Variants in WNK2 observed in about 807,000 individuals in gnomAD.
The protein encoded by WNK2 is serine/threonine-protein kinase WNK2.
A neutral mutation model predicts 192.1 loss-of-function variants in WNK2; 67 were observed. The ratio of observed to expected loss-of-function variants is 0.35; its 90% CI spans 0.29 to 0.43. The LOEUF is 0.43. WNK2 is among the 20% of genes least tolerant of loss of function. The pLI is 1.00. For synonymous variants in WNK2, 1,439 were observed against 1,393.9 expected, an observed-to-expected ratio of 1.03 and a Z score of -0.72; for missense variants, 2,698 against 3,089.7, an observed-to-expected ratio of 0.87 and a Z score of 3.01.
intron 2 of WNK2, among the ~76,000 whole-genome samples, chr9:93,199,620 CG>C (rs945146685): frequency 1.3e-5 from 2 of 151,950 alleles, no homozygotes; most frequent in Non-Finnish European, 2.9e-5. Context: ...AGCTGTGGGC[CG>C]GGTGCGGTGG....
chr9:93,239,987 C>G lies in WNK2; in HGVS notation c.1542+11C>G, dbSNP rs754024424. On this transcript the variant is annotated intron_variant, in intron 7 of 29. Transcript: ENST00000427277. This position sits in a 1 kb window ranked among gnomAD's most constrained non-coding sequence, Gnocchi z 4.2. ...GTGGCCCAAGAGATGGTAAGCAGGA[C>G]TCAGATGGGGTGAGGTGGGTGCAGG... 171 of 1,606,124 alleles carry G rather than the reference C, an allele frequency of 1.1e-4. No homozygotes were observed. Among genetic ancestry groups the G allele is most frequent in the Middle Eastern group, 6.6e-4 (4 of 6,062 alleles).
chr9:93,269,858 G>T (rs966612985), intron 19 of WNK2, among the ~76,000 whole-genome samples: 1 of 152,150 alleles, frequency 6.6e-6, no homozygotes, highest in African/African-American at 2.4e-5. Flanking sequence ...GGAAAAATTG[G>T]TGGCAGATCT....
intron 2 of WNK2, among the ~76,000 whole-genome samples, chr9:93,202,300 G>A (rs1358423889): frequency 6.6e-6 from 1 of 151,812 alleles, no homozygotes; most frequent in South Asian, 2.1e-4. Context: ...ATGCTTCTCA[G>A]GGCCTCTGCT....
chr9:93,259,304 T>A lies in WNK2; in HGVS notation c.2756T>A (p.Met919Lys). Residue 919 changes from methionine to lysine, a missense_variant, in exon 12 of 30, where the codon ATG becomes AAG. Physicochemically the swap from Met to Lys is moderately conservative, Grantham distance 95 (BLOSUM62 -1). This residue lies in a region of WNK2 where 893 missense variants were observed against 909.0 expected (regional missense o/e 0.98). Transcript: ENST00000427277. The surrounding 1 kb of genome is among the most constrained non-coding windows in gnomAD (Gnocchi z 4.8). ...GTGTACCCAGCGGCCTTCCCACAGA[T>A]GGCGCCTACTGACGTCCCTCCTTCC... ...QPVYPAAFPQ[M>K]APTDVPPSPH... The A allele has an allele frequency of 6.2e-7, 1 of 1,613,602 alleles. No homozygotes were observed. Among genetic ancestry groups the A allele is most frequent in the Non-Finnish European group, 8.5e-7 (1 of 1,179,766 alleles).
At chr9:93,209,617 T>C (rs958417247) in intron 2 of WNK2, among the ~76,000 whole-genome samples, 2 of 152,040 alleles carry the variant, frequency 1.3e-5, no homozygotes, top group African/African-American at 2.4e-5. Flanking sequence ...CAGCTTAAAG[T>C]AGAAGGGGCA....
chr9:93,286,572 A>G (rs1848476044), intron 19 of WNK2, among the ~76,000 whole-genome samples: 1 of 152,224 alleles, frequency 6.6e-6, no homozygotes, highest in African/African-American at 2.4e-5. Context: ...GTGAGTGTAA[A>G]TTACTACAAC....
intron 9 of WNK2, among the ~76,000 whole-genome samples, chr9:93,253,368 A>G (rs1842857904): frequency 6.6e-6 from 1 of 151,558 alleles, no homozygotes; most frequent in African/African-American, 2.4e-5. Context: ...ATTGGAAAAC[A>G]GACCCCAGGG....
intron 8 of WNK2, 100 bp from the exon 9 acceptor site, chr9:93,252,783 C>T: frequency 8.8e-7 from 1 of 1,132,724 alleles, no homozygotes; most frequent in Non-Finnish European, 1.2e-6. Flanking sequence ...TCTGGAGAAA[C>T]AAGCCTTTAT....
Position 93,289,049 on chromosome 9 carries a change from C to A in WNK2, c.4295C>A (p.Thr1432Lys), listed in dbSNP as rs373618412. The A allele has an allele frequency of 1.2e-6, 2 of 1,605,152 alleles. No individual in the cohort carries two copies. The highest frequency in any genetic ancestry group is 1.7e-6 in the Non-Finnish European group (2 of 1,176,294). The change falls in exon 20 of 30, where the codon ACG (threonine) becomes AAG (lysine). Residue 1432 changes from threonine (T) to lysine (K), a missense_variant. Around this residue, in one of 7 missense-constraint regions of WNK2, gnomAD observed 1,098 missense variants for 1,101.0 expected, o/e 1.00. Transcript: ENST00000427277. ...TPQGLTSELE[T>K]SQPLAETHEA... ...CAGGGGCTGACCAGTGAGCTCGAGA[C>A]GTCTCAGCCACTAGCGGAGACTCAC...
chr9:93,289,684 C>T, intron 20 of WNK2, 64 bp downstream of exon 20: 1 of 1,402,196 alleles, frequency 7.1e-7, no homozygotes. Context: ...GGGCGCAGGC[C>T]CGGGGGTGGG....
rs113887261 is a variant in WNK2 at position 93,256,217 on chromosome 9, C to T, written c.2035-82C>T. ...TGGTAGGGACCAGGCACAGGGATGA[C>T]ATGAGGCTACCCTGCCCCTGCCCAG... On this transcript the variant is annotated intron_variant, in intron 9 of 29. Coordinates refer to ENST00000427277, the MANE Select transcript of WNK2 (RefSeq NM_006648.4). The T allele has an allele frequency of 2.8e-4, 385 of 1,384,772 alleles. 1 individual carries two copies. The African/African-American group carries it at 4.7e-3, about 17-fold the overall frequency. The allele number at this position is 1,384,772 out of a possible 1,614,324, so 85.8% of individuals were successfully genotyped here.
At chr9:93,310,947 G>C (rs920365169) in intron 28 of WNK2, among the ~76,000 whole-genome samples, 3 of 152,184 alleles carry the variant, frequency 2.0e-5, no homozygotes, top group Non-Finnish European at 2.9e-5. Flanking sequence ...CTGGGTGACA[G>C]AGAAAGATCC....
intron 23 of WNK2, among the ~76,000 whole-genome samples, chr9:93,296,240 C>T (rs1850365907): frequency 4.8e-5 from 2 of 41,384 alleles, no homozygotes; most frequent in East Asian, 8.1e-4. Flanking sequence ...CCTCCCCTCA[C>T]CTTCCTCCCC....
At chr9:93,241,064 G>C (rs1588124514) in intron 7 of WNK2, among the ~76,000 whole-genome samples, 2 of 152,242 alleles carry the variant, frequency 1.3e-5, no homozygotes, top group South Asian at 4.1e-4. Flanking sequence ...ATTGGGCAGT[G>C]GACGCCAGAG....
Position 93,268,697 on chromosome 9 carries a change from A to G in WNK2, c.3984A>G (p.Glu1328=), listed in dbSNP as rs1434836980. Residue 1328 remains glutamate, a synonymous_variant, in exon 19 of 30, where the codon GAA becomes GAG. Transcript: ENST00000427277. The part of the protein sequence containing the change: ...VAEHPAPEAP[E]SSPPLPLSSL... ...AGCACCCCGCCCCCGAGGCCCCTGA[A>G]TCTTCGCCCCCACTTCCTCTAAGCT... 3.1e-6 allele frequency: 5 copies of G among 1,613,242 alleles called. No individual in the cohort carries two copies. The highest frequency in any genetic ancestry group is 4.5e-5 in the East Asian group (2 of 44,848).
At position 93,185,269 on chromosome 9, in the gene WNK2, G is replaced by T; in HGVS notation, c.340G>T (p.Ala114Ser). Residue 114 changes from alanine (A) to serine (S), a missense_variant, in exon 2 of 30, where the codon GCC becomes TCC. Physicochemically the swap from Ala to Ser is moderately conservative, Grantham distance 99. Coordinates refer to ENST00000427277, the MANE Select transcript of WNK2 (RefSeq NM_006648.4). The part of the protein sequence containing the change: ...QPGAPGAPAD[A>S]GPEPVGTQEP... ...GGGAGCCCCCGGAGCCCCCGCGGAC[G>T]CCGGCCCCGAGCCCGTGGGCACGCA... is the stretch of plus-strand genomic sequence containing the variant. 7.6e-7 allele frequency: 1 copy of T among 1,313,486 alleles called. No homozygotes were observed. Among genetic ancestry groups the T allele is most frequent in the Non-Finnish European group, 9.6e-7 (1 of 1,037,388 alleles). 81.4% of individuals were successfully genotyped at this position (1,313,486 alleles called of 1,614,324 possible). A position where few individuals can be genotyped will look rare whatever the true frequency, so the allele number is the denominator to read the frequency against.
In WNK2 at chr9:93,247,228, C is replaced by T. The variant is rs1245084192; in HGVS notation, c.1543-315C>T. On this transcript the variant is annotated intron_variant, in intron 7 of 29. Transcript: ENST00000427277. The surrounding 1 kb of genome is among the most constrained non-coding windows in gnomAD (Gnocchi z 5.2). ...GAGACAATCAGGAGCCCCTTCCCGT[C>T]TGCCACCAGCCCCGGGGGCGCTGGG... is the stretch of plus-strand genomic sequence containing the variant. Among the ~76,000 whole-genome samples the T allele has an allele frequency of 6.6e-6, 1 of 152,250 alleles. No individual in the cohort carries two copies. Among genetic ancestry groups the T allele is most frequent in the Non-Finnish European group, 1.5e-5 (1 of 68,056 alleles).
At chr9:93,261,537 A>G (rs985277381) in intron 12 of WNK2, among the ~76,000 whole-genome samples, 12 of 152,160 alleles carry the variant, frequency 7.9e-5, no homozygotes, top group Non-Finnish European at 1.8e-4. Context: ...TGACCCTTCA[A>G]CCAAGCTTGG....
chr9:93,299,908 G>T, intron 25 of WNK2, 143 bp from the exon 26 acceptor site: 1 of 536,082 alleles, frequency 1.9e-6, no homozygotes. Context: ...ATGGTCAGTG[G>T]CTTTGGTGCT....
Sources: allele counts gnomAD v4.1 joint callset (sites outside exome capture counted in the v4.1 genomes callset), GRCh38; gene constraint gnomAD v4.1.1; regional missense constraint gnomAD v4.1.1; non-coding constraint Gnocchi (gnomAD v3.1); transcripts MANE v1.5; gene names NCBI Gene and HGNC (gene_info 2026-07-23, HGNC 2026-07-21).